Variants in LRRC7 observed in about 807,000 individuals in gnomAD.
LRRC7 encodes the protein leucine-rich repeat-containing protein 7.
LRRC7 carries 23 observed loss-of-function variants against 175.7 expected under a neutral mutation model. The observed-to-expected ratio is 0.13, with a 90% CI of 0.09 to 0.19. The LOEUF (loss-of-function observed/expected upper bound fraction) is 0.19. Ranked by LOEUF, LRRC7 falls within the 10% of genes least tolerant of loss-of-function variation. The pLI is 1.00. For missense variants in LRRC7, 1,354 were observed against 1,904.7 expected (o/e 0.71, Z 5.38); for synonymous variants, 685 against 680.9 (o/e 1.01, Z -0.09).
chr1:69,901,455 C>T (rs1646132655), intron 7 of LRRC7, among the ~76,000 whole-genome samples: 1 of 103,096 alleles, frequency 9.7e-6, no homozygotes, highest in Non-Finnish European at 2.1e-5. Flanking sequence ...CCTCCCTTTT[C>T]TTATGGGGAA....
At chr1:69,599,719 CT>C (rs1646976840) in intron 1 of LRRC7, among the ~76,000 whole-genome samples, 1 of 152,152 alleles carries the variant, frequency 6.6e-6, no homozygotes, top group South Asian at 2.1e-4. Context: ...CTTTTTCTTC[CT>C]TGCTGGCAGA....
chr1:69,909,640 G>C (rs868463269), intron 7 of LRRC7, among the ~76,000 whole-genome samples: 3 of 152,070 alleles, frequency 2.0e-5, no homozygotes, highest in East Asian at 1.9e-4. Context: ...TGAGAGATCC[G>C]CTGTTAGTCT....
chr1:70,010,892 T>C (rs1447769948), intron 11 of LRRC7, among the ~76,000 whole-genome samples: 3 of 152,156 alleles, frequency 2.0e-5, no homozygotes, highest in South Asian at 2.1e-4. Flanking sequence ...CGGCTAAGTA[T>C]GGACTGGTAG....
At chr1:69,944,537 TG>T (rs1325920760) in intron 8 of LRRC7, among the ~76,000 whole-genome samples, 1 of 152,150 alleles carries the variant, frequency 6.6e-6, no homozygotes, top group African/African-American at 2.4e-5. Flanking sequence ...GCATGATTGC[TG>T]GATCATATAG....
chr1:70,035,588 T>C (rs1264432783), intron 18 of LRRC7, among the ~76,000 whole-genome samples: 6 of 121,102 alleles, frequency 5.0e-5, no homozygotes, highest in Non-Finnish European at 9.4e-5. Flanking sequence ...GCAGGATTTA[T>C]AGGACCCGAC....
intron 3 of LRRC7, among the ~76,000 whole-genome samples, chr1:69,776,683 T>C (rs974463358): frequency 1.2e-4 from 18 of 151,966 alleles, no homozygotes; most frequent in African/African-American, 4.3e-4. Context: ...CCTCACTAAC[T>C]TGCTATTGAT....
At chr1:70,080,031 G>A (rs1663092131) in intron 24 of LRRC7, among the ~76,000 whole-genome samples, 1 of 152,138 alleles carries the variant, frequency 6.6e-6, no homozygotes, top group Non-Finnish European at 1.5e-5. Flanking sequence ...CAAGTCCTGT[G>A]TCCTAATCTC....
chr1:70,138,528 T>C lies in LRRC7; in HGVS notation c.*16641T>C, dbSNP rs1392406721. On this transcript the variant is annotated 3_prime_UTR_variant, in exon 27 of 27. Transcript: ENST00000651989. Reference sequence around the variant, plus strand: ...ATAAACTAAGGAAAACTACAGAAGTTATGTCTATTAACTCTTTAAGGTACA... The same window carrying C: ...ATAAACTAAGGAAAACTACAGAAGTCATGTCTATTAACTCTTTAAGGTACA... 3 of 152,330 alleles carry C rather than the reference T, an allele frequency of 2.0e-5. No homozygotes were observed. In the East Asian group the frequency reaches 5.8e-4, roughly 29 times the overall value. 9.4% of individuals were successfully genotyped at this position (152,330 alleles called of 1,614,324 possible).
intron 1 of LRRC7, among the ~76,000 whole-genome samples, chr1:69,587,064 G>T (rs991489317): frequency 6.6e-6 from 1 of 151,982 alleles, no homozygotes; most frequent in Non-Finnish European, 1.5e-5. Flanking sequence ...TATCTGTTGT[G>T]CCCTTGGAAT....
intron 1 of LRRC7, among the ~76,000 whole-genome samples, chr1:69,577,036 C>T (rs1397282459): frequency 1.3e-5 from 2 of 152,124 alleles, no homozygotes; most frequent in Non-Finnish European, 2.9e-5. Flanking sequence ...TTTTCTGCCT[C>T]GTCTCGTCAT....
intron 23 of LRRC7, among the ~76,000 whole-genome samples, chr1:70,074,866 TTAAAA>T (rs1375101384): frequency 1.3e-5 from 2 of 150,522 alleles, no homozygotes; most frequent in Non-Finnish European, 3.0e-5. Flanking sequence ...TTTAAAAACT[TTAAAA>T]TAATTAAATT....
At chr1:69,706,537 A>G (rs558900130) in intron 2 of LRRC7, among the ~76,000 whole-genome samples, 4 of 152,304 alleles carry the variant, frequency 2.6e-5, no homozygotes, top group African/African-American at 9.6e-5. Context: ...ATTTTCACAC[A>G]TGGCCTTAAG....
chr1:69,916,573 C>T (rs987777445), intron 7 of LRRC7, among the ~76,000 whole-genome samples: 2 of 151,728 alleles, frequency 1.3e-5, no homozygotes, highest in African/African-American at 2.4e-5. Context: ...TTTTCATTGA[C>T]CATTGTTAAT....
intron 10 of LRRC7, among the ~76,000 whole-genome samples, chr1:69,992,221 T>C (rs1654508228): frequency 6.6e-6 from 1 of 152,128 alleles, no homozygotes; most frequent in Non-Finnish European, 1.5e-5. Flanking sequence ...CACAACTATT[T>C]CCTTTCAAAG....
At chr1:69,907,662 C>T (rs557756243) in intron 7 of LRRC7, among the ~76,000 whole-genome samples, 19 of 152,304 alleles carry the variant, frequency 1.2e-4, no homozygotes, top group Non-Finnish European at 2.1e-4. Context: ...ATTCGATTTG[C>T]CAGTATTTTA....
At chr1:69,825,849 T>C in intron 5 of LRRC7, 23 bp downstream of exon 5, 1 of 1,423,962 alleles carries the variant, frequency 7.0e-7, no homozygotes, top group Non-Finnish European at 9.7e-7. Flanking sequence ...GATTAAATTT[T>C]ATTTGTATTT....
intron 24 of LRRC7, among the ~76,000 whole-genome samples, chr1:70,088,492 G>A (rs1663777718): frequency 1.3e-5 from 2 of 152,136 alleles, no homozygotes; most frequent in South Asian, 4.1e-4. Flanking sequence ...GAGCCCAGGA[G>A]TTCAAGTGAA....
chr1:70,064,639 T>TTTGTTG (rs60880306), intron 23 of LRRC7, among the ~76,000 whole-genome samples: 7,341 of 151,092 alleles, frequency 0.049, 277 homozygotes, highest in South Asian at 0.16. Context: ...TGCTTGGTAT[T>TTTGTTG]TTGTTGTTGT....
At chr1:69,926,127 G>A (rs1202366055) in intron 7 of LRRC7, among the ~76,000 whole-genome samples, 2 of 150,934 alleles carry the variant, frequency 1.3e-5, no homozygotes, top group African/African-American at 2.4e-5. Flanking sequence ...GAGTTTGTTA[G>A]TCCTGAGTTC....
Sources: allele counts gnomAD v4.1 joint callset (sites outside exome capture counted in the v4.1 genomes callset), GRCh38; gene constraint gnomAD v4.1.1; transcripts MANE v1.5; gene names NCBI Gene and HGNC (gene_info 2026-07-23, HGNC 2026-07-21).